The following PIWIL2 variants were observed in gnomAD, a reference collection of about 807,000 sequenced individuals.
PIWIL2 encodes the protein piwi like RNA-mediated gene silencing 2.
Under a neutral mutation model 116.5 loss-of-function variants are expected in PIWIL2, and 81 were observed. That is an observed-to-expected ratio of 0.70 (90% CI 0.58 to 0.84). The LOEUF (loss-of-function observed/expected upper bound fraction) is 0.84, where lower values mean the gene tolerates loss of function less well. Ranked by LOEUF, PIWIL2 falls within the 40% of genes least tolerant of loss-of-function variation. The pLI, the probability that PIWIL2 is intolerant of heterozygous loss-of-function variation, is 0.00. For synonymous variants in PIWIL2, 489 were observed against 429.5 expected (o/e 1.14, Z -1.71); for missense variants, 1,272 against 1,212.3 (o/e 1.05, Z -0.73).
chr8:22,341,526 C>G (rs1050747958), intron 20 of PIWIL2, among the ~76,000 whole-genome samples: 1 of 144,980 alleles, frequency 6.9e-6, no homozygotes, highest in Non-Finnish European at 1.5e-5. Flanking sequence ...ACCTGGGAGG[C>G]GAAGGTTGCG....
chr8:22,347,400 G>A (rs1832252362), intron 20 of PIWIL2, among the ~76,000 whole-genome samples: 1 of 150,994 alleles, frequency 6.6e-6, no homozygotes, highest in Non-Finnish European at 1.5e-5. Context: ...TATTTTTTTA[G>A]TAGAGATGGG....
At chr8:22,308,643 A>G (rs1563381213) in intron 14 of PIWIL2, among the ~76,000 whole-genome samples, 1 of 152,136 alleles carries the variant, frequency 6.6e-6, no homozygotes, top group African/African-American at 2.4e-5. Context: ...ACAGAGGGAG[A>G]ATCCATCTCA....
rs71544885 is a variant in PIWIL2 at position 22,351,440 on chromosome 8, CATATATATATATAT to C, written c.2404-1489_2404-1476del. On this transcript the variant is annotated intron_variant, in intron 20 of 22. Transcript: ENST00000356766. ...ACCTGTAAGGAACAGTGCATACATACATATATATATATATATATATATATATATATATATATATA... is the reference window on the plus strand; with the variant it reads ...ACCTGTAAGGAACAGTGCATACATACATATATATATATATATATATATATA... 4.0e-3 allele frequency among the ~76,000 whole-genome samples: 214 copies of C among 52,966 alleles called. 4 individuals are homozygous for C. Among genetic ancestry groups the C allele is most frequent in the Middle Eastern group, 0.038 (1 of 26 alleles). The allele number at this position is 52,966 out of a possible 152,430, so 34.7% of individuals were successfully genotyped here.
intron 22 of PIWIL2, 131 bp from the exon 23 acceptor site, chr8:22,355,218 T>C: frequency 6.9e-6 from 5 of 722,208 alleles, no homozygotes; most frequent in Non-Finnish European, 1.1e-5. Flanking sequence ...AGCTGCATCA[T>C]GTATTCCTCT....
At chr8:22,317,484 C>T (rs1255131874) in intron 19 of PIWIL2, among the ~76,000 whole-genome samples, 1 of 152,038 alleles carries the variant, frequency 6.6e-6, no homozygotes, top group Non-Finnish European at 1.5e-5. Flanking sequence ...GTACATTTTC[C>T]TGTATCATTA....
chr8:22,318,323 A>C, intron 20 of PIWIL2, 48 bp downstream of exon 20: 1 of 890,872 alleles, frequency 1.1e-6, no homozygotes, highest in Non-Finnish European at 1.7e-6. Flanking sequence ...TTGTTTTTTT[A>C]TTTTTTTTTT....
intron 20 of PIWIL2, among the ~76,000 whole-genome samples, chr8:22,347,237 G>A (rs1406648763): frequency 3.3e-4 from 45 of 135,790 alleles, no homozygotes; most frequent in African/African-American, 1.2e-3. Flanking sequence ...TTTTGAGACA[G>A]AGTCTCACTC....
intron 20 of PIWIL2, among the ~76,000 whole-genome samples, chr8:22,324,674 C>T (rs1831681921): frequency 6.6e-6 from 1 of 152,148 alleles, no homozygotes; most frequent in Non-Finnish European, 1.5e-5. Context: ...AAGATGAAGT[C>T]CCAATCCCCA....
At chr8:22,284,894 G>C (rs893995514) in intron 6 of PIWIL2, among the ~76,000 whole-genome samples, 2 of 152,136 alleles carry the variant, frequency 1.3e-5, no homozygotes, top group African/African-American at 4.8e-5. Context: ...TTCTTAGCTG[G>C]AATTGTGAAA....
intron 15 of PIWIL2, 140 bp downstream of exon 15, chr8:22,310,214 G>A: frequency 1.7e-6 from 1 of 576,586 alleles, no homozygotes; most frequent in Non-Finnish European, 3.1e-6. Flanking sequence ...ACTAACCAGG[G>A]ATCCTTCAAA....
At chr8:22,334,521 A>G (rs1361656707) in intron 20 of PIWIL2, among the ~76,000 whole-genome samples, 1 of 131,034 alleles carries the variant, frequency 7.6e-6, no homozygotes, top group African/African-American at 2.7e-5. Flanking sequence ...GTCCGTCTCA[A>G]AAAAAAAAAA....
intron 6 of PIWIL2, among the ~76,000 whole-genome samples, chr8:22,284,910 T>A (rs1042544171): frequency 2.6e-5 from 4 of 152,138 alleles, no homozygotes; most frequent in African/African-American, 9.7e-5. Context: ...TGAAAATGAG[T>A]GTTTTGAAAT....
chr8:22,291,688 A>G (rs1019694422), intron 10 of PIWIL2, among the ~76,000 whole-genome samples: 4 of 152,156 alleles, frequency 2.6e-5, no homozygotes, highest in African/African-American at 4.8e-5. Context: ...ACTGGGTGTT[A>G]TCGGGCTTGT....
intron 15 of PIWIL2, 26 bp from the exon 16 acceptor site, chr8:22,311,086 T>TA: frequency 6.4e-7 from 1 of 1,560,498 alleles, no homozygotes; most frequent in Non-Finnish European, 8.7e-7. Context: ...TTGTGAGAAA[T>TA]ACTAAAAGCT....
chr8:22,294,521 G>A (rs1159544887), intron 10 of PIWIL2, among the ~76,000 whole-genome samples: 7 of 149,792 alleles, frequency 4.7e-5, no homozygotes, highest in Non-Finnish European at 3.0e-5. Context: ...GGCACCTGTA[G>A]TCCCAGCTAC....
At chr8:22,311,337 A>G (rs1281205397) in intron 16 of PIWIL2, 37 bp downstream of exon 16, 3 of 1,493,098 alleles carry the variant, frequency 2.0e-6, no homozygotes, top group East Asian at 2.3e-5. Flanking sequence ...TAGGATGTCC[A>G]TTTTAAATTA....
rs746895440 is a variant in PIWIL2 at position 22,290,261 on chromosome 8, A to G, written c.1096A>G (p.Ser366Gly). Residue 366 changes from serine (S) to glycine (G), a missense_variant, in exon 10 of 23, where the codon AGC becomes GGC. Coordinates refer to ENST00000356766, the MANE Select transcript of PIWIL2 (RefSeq NM_018068.5). ...GCAGATCTGGCCAGGCTATGCAGCT[A>G]GCATCCGAAGGACAGATGGAGGGCT... ...RLQIWPGYAA[S>G]IRRTDGGLFL... 5.6e-6 allele frequency: 9 copies of G among 1,609,940 alleles called. No homozygotes were observed. The South Asian group carries it at 9.9e-5, about 18-fold the overall frequency.
intron 1 of PIWIL2, among the ~76,000 whole-genome samples, chr8:22,278,664 G>C (rs1453084018): frequency 6.6e-6 from 1 of 152,212 alleles, no homozygotes; most frequent in Non-Finnish European, 1.5e-5. Context: ...AGGCTGGTTG[G>C]GGGGCCTGTT....
chr8:22,333,732 A>G (rs748536670), intron 20 of PIWIL2, among the ~76,000 whole-genome samples: 2 of 152,052 alleles, frequency 1.3e-5, no homozygotes, highest in Non-Finnish European at 2.9e-5. Flanking sequence ...GAACTGGAGT[A>G]TGGATAGGGT....
Sources: gnomAD v4.1 joint callset for allele counts (sites outside exome capture counted in the v4.1 genomes callset) on GRCh38, gnomAD v4.1.1 for gene constraint, MANE v1.5 for transcripts, NCBI Gene and HGNC (gene_info 2026-07-23, HGNC 2026-07-21) for gene names.